MAST4: variants seen among roughly 807,000 people sequenced by gnomAD.
The protein encoded by MAST4 is microtubule associated serine/threonine kinase family member 4, also known as microtubule-associated serine/threonine-protein kinase 4.
A neutral mutation model predicts 162.7 loss-of-function variants in MAST4; 89 were observed. The observed-to-expected ratio is 0.55, with a 90% CI of 0.46 to 0.65. MAST4 has a LOEUF of 0.65. Ranked by LOEUF, MAST4 falls within the 30% of genes least tolerant of loss-of-function variation. The pLI is 0.00. For synonymous variants in MAST4, 1,479 were observed against 1,361.1 expected, an observed-to-expected ratio of 1.09 and a Z score of -1.91; for missense variants, 3,153 against 3,374.0, an observed-to-expected ratio of 0.93 and a Z score of 1.62.
Position 67,164,967 on chromosome 5 carries a change from G to T in MAST4, c.5788G>T (p.Asp1930Tyr). 2 of 1,613,852 alleles carry T rather than the reference G, an allele frequency of 1.2e-6. No homozygotes were observed. The highest frequency in any genetic ancestry group is 2.2e-5 in the South Asian group (2 of 91,068). Residue 1930 changes from aspartate to tyrosine, a missense_variant, in exon 29 of 29, where the codon GAC becomes TAC. By Grantham distance (160) the Asp-to-Tyr change is radical. Transcript: ENST00000403625. This position sits in a 1 kb window ranked among gnomAD's most constrained non-coding sequence, Gnocchi z 5.3. ...QREGSSPKHQ[D>Y]HTTDPKLLTC... ...AGAGGGCAGCTCCCCTAAACACCAA[G>T]ACCACACCACTGACCCCAAGCTTCT...
intron 1 of MAST4, among the ~76,000 whole-genome samples, chr5:66,609,678 T>C (rs1743151967): frequency 6.6e-6 from 1 of 150,390 alleles, no homozygotes; most frequent in Non-Finnish European, 1.5e-5. Flanking sequence ...TAAGCCACCA[T>C]GCCCAGCCTG....
At chr5:66,658,057 C>T (rs912630365) in intron 1 of MAST4, among the ~76,000 whole-genome samples, 1 of 152,186 alleles carries the variant, frequency 6.6e-6, no homozygotes, top group Non-Finnish European at 1.5e-5. Flanking sequence ...GATCAGTTTG[C>T]ATTTTCCAGT....
At position 67,121,108 on chromosome 5, in the gene MAST4, T is replaced by A. The variant is rs1339406647; in HGVS notation, c.1745+6T>A. 1 of 1,588,204 alleles carries A rather than the reference T, an allele frequency of 6.3e-7. No homozygotes were observed. Among genetic ancestry groups the A allele is most frequent in the Admixed American group, 1.7e-5 (1 of 58,032 alleles). On this transcript the variant is annotated splice_donor_region_variant and intron_variant, in intron 14 of 28. Transcript: ENST00000403625. ...ATTAGCAATGGAGCCTATGGGTGAG[T>A]AATTCAAGAAAAGCTCTCTATTGTA...
chr5:66,824,975 C>T (rs1005103556), intron 3 of MAST4, among the ~76,000 whole-genome samples: 2 of 152,084 alleles, frequency 1.3e-5, no homozygotes, highest in South Asian at 2.1e-4. Context: ...ATGTGAAGGC[C>T]TCCTACATTA....
rs569074454 is a variant in MAST4 at position 66,898,490 on chromosome 5, T to A, written c.643-1461T>A. 3.1e-5 allele frequency among the ~76,000 whole-genome samples: 4 copies of A among 129,610 alleles called. No individual in the cohort carries two copies. In the East Asian group the frequency reaches 7.9e-4, roughly 26 times the overall value. 85.0% of individuals were successfully genotyped at this position (129,610 alleles called of 152,430 possible). A position where few individuals can be genotyped will look rare whatever the true frequency, so the allele number is the denominator to read the frequency against. ...AAACTGTCTTGGTCAGAGACTTTTCTCTTGTCATTAGAGGTTTTAGTAAAT... is the reference window on the plus strand; with the variant it reads ...AAACTGTCTTGGTCAGAGACTTTTCACTTGTCATTAGAGGTTTTAGTAAAT... On this transcript the variant is annotated intron_variant, in intron 3 of 28. Coordinates refer to ENST00000403625, the MANE Select transcript of MAST4 (RefSeq NM_001164664.2).
At chr5:66,763,711 G>A (rs1285589465) in intron 2 of MAST4, among the ~76,000 whole-genome samples, 1 of 152,154 alleles carries the variant, frequency 6.6e-6, no homozygotes, top group African/African-American at 2.4e-5. Flanking sequence ...TACTGTATTT[G>A]TAATTAAATA....
intron 4 of MAST4, among the ~76,000 whole-genome samples, chr5:67,052,751 G>A (rs1224447413): frequency 2.6e-5 from 4 of 152,040 alleles, no homozygotes; most frequent in South Asian, 2.1e-4. Flanking sequence ...ACGAAAAAAT[G>A]TAGCCATTTT....
At chr5:66,619,657 C>G (rs972116826) in intron 1 of MAST4, among the ~76,000 whole-genome samples, 6 of 152,016 alleles carry the variant, frequency 3.9e-5, no homozygotes, top group Non-Finnish European at 7.4e-5. Flanking sequence ...TCAGAAGACT[C>G]CATTCTGGGG....
chr5:66,969,290 A>C (rs1203429607), intron 4 of MAST4, among the ~76,000 whole-genome samples: 1 of 152,076 alleles, frequency 6.6e-6, no homozygotes, highest in Non-Finnish European at 1.5e-5. Context: ...GAGATACTTG[A>C]GTTTGGTACT....
chr5:66,837,422 G>A (rs1758055219), intron 3 of MAST4, among the ~76,000 whole-genome samples: 1 of 151,834 alleles, frequency 6.6e-6, no homozygotes, highest in South Asian at 2.1e-4. Flanking sequence ...GTGGGTTTTG[G>A]GTGCCTGTTT....
At chr5:67,123,787 TC>T (rs1185287605) in intron 14 of MAST4, among the ~76,000 whole-genome samples, 4 of 152,306 alleles carry the variant, frequency 2.6e-5, no homozygotes, top group South Asian at 4.1e-4. Context: ...GCACCATTTC[TC>T]CCCCACTTTG....
chr5:67,133,839 T>A (rs542727316), intron 17 of MAST4, among the ~76,000 whole-genome samples, 193 bp downstream of exon 17: 24 of 152,334 alleles, frequency 1.6e-4, no homozygotes, highest in Admixed American at 9.2e-4. Context: ...CTGCTCCCTC[T>A]ACATTCCTCC....
intron 1 of MAST4, among the ~76,000 whole-genome samples, chr5:66,738,574 T>C (rs1393588844): frequency 6.6e-6 from 1 of 152,096 alleles, no homozygotes; most frequent in Non-Finnish European, 1.5e-5. Flanking sequence ...AGCCAGCAAG[T>C]AAAATGTGCA....
chr5:66,962,112 C>T (rs895088334), intron 4 of MAST4, among the ~76,000 whole-genome samples: 27 of 152,180 alleles, frequency 1.8e-4, no homozygotes, highest in Admixed American at 1.2e-3. Flanking sequence ...CCATAGTAAG[C>T]CCAAATCTGA....
Position 66,841,451 on chromosome 5 carries a change from G to A in MAST4, c.642+52657G>A, listed in dbSNP as rs562880293. Among the ~76,000 whole-genome samples, 12 of 152,278 alleles carry A rather than the reference G, an allele frequency of 7.9e-5. No homozygotes were observed. In the South Asian group the frequency reaches 1.9e-3, roughly 24 times the overall value. The stretch of plus-strand genomic sequence containing the variant: ...TCTAACAAAATGGCATAGACTGTGT[G>A]GTGTGAACAGCAGACATTTGTTGCC... On this transcript the variant is annotated intron_variant, in intron 3 of 28. Coordinates refer to ENST00000403625, the MANE Select transcript of MAST4 (RefSeq NM_001164664.2).
intron 3 of MAST4, among the ~76,000 whole-genome samples, chr5:66,897,868 C>T (rs2149970782): frequency 6.6e-6 from 1 of 152,250 alleles, no homozygotes; most frequent in South Asian, 2.1e-4. Flanking sequence ...GCTGTTTCAG[C>T]AGCTTTTTCT....
chr5:66,810,931 T>C (rs1756445271), intron 3 of MAST4, among the ~76,000 whole-genome samples: 1 of 152,234 alleles, frequency 6.6e-6, no homozygotes, highest in African/African-American at 2.4e-5. Flanking sequence ...GAAGTTATGA[T>C]AATGCTGCTA....
intron 3 of MAST4, chr5:66,789,784 C>G (rs1190586752): frequency 1.9e-6 from 1 of 518,360 alleles, no homozygotes; most frequent in Non-Finnish European, 3.9e-6. Flanking sequence ...TACTTTTAAG[C>G]AATGCAAATA....
intron 1 of MAST4, among the ~76,000 whole-genome samples, chr5:66,692,434 G>A (rs1306623293): frequency 7.5e-6 from 1 of 133,716 alleles, no homozygotes; most frequent in East Asian, 2.1e-4. Flanking sequence ...TTACTTTATT[G>A]TAGGGCTGTC....
Sources: gnomAD v4.1 joint callset for allele counts (sites outside exome capture counted in the v4.1 genomes callset) on GRCh38, gnomAD v4.1.1 for gene constraint, Gnocchi (gnomAD v3.1) non-coding constraint, MANE v1.5 for transcripts, NCBI Gene and HGNC (gene_info 2026-07-23, HGNC 2026-07-21) for gene names.